DNAH10: variants seen among roughly 807,000 people sequenced by gnomAD.
DNAH10 encodes the protein axonemal beta dynein heavy chain 10.
In DNAH10, 348 loss-of-function variants were observed where a neutral mutation model predicts 506.6. That is an observed-to-expected ratio of 0.69 (90% CI 0.63 to 0.75). The LOEUF is 0.75. Ranked by LOEUF, DNAH10 falls within the 30% of genes least tolerant of loss-of-function variation. The pLI is 0.00. For missense variants in DNAH10, 5,179 were observed against 5,787.1 expected (o/e 0.89, Z 3.41); for synonymous variants, 2,059 against 2,198.6 (o/e 0.94, Z 1.78).
intron 25 of DNAH10, among the ~76,000 whole-genome samples, chr12:123,828,131 C>T (rs764375156): frequency 2.0e-5 from 3 of 151,528 alleles, no homozygotes; most frequent in Non-Finnish European, 4.4e-5. Context: ...CTTCCACCAC[C>T]ACTGTAAAGA....
intron 21 of DNAH10, among the ~76,000 whole-genome samples, chr12:123,816,602 T>C (rs530580774): frequency 6.6e-6 from 1 of 152,276 alleles, no homozygotes; most frequent in South Asian, 2.1e-4. Context: ...AAATCAGTGA[T>C]GGGAAGTAAA....
At chr12:123,828,342 A>G (rs1444288480) in intron 25 of DNAH10, among the ~76,000 whole-genome samples, 4 of 152,158 alleles carry the variant, frequency 2.6e-5, no homozygotes, top group Admixed American at 6.5e-5. Flanking sequence ...AAACAGGTTT[A>G]TTTTAGAGAA....
At chr12:123,841,006 G>T (rs1038174292) in intron 29 of DNAH10, among the ~76,000 whole-genome samples, 1 of 152,120 alleles carries the variant, frequency 6.6e-6, no homozygotes, top group East Asian at 1.9e-4. Flanking sequence ...TCACCCTTCC[G>T]CCTCCTCCAC....
chr12:123,894,821 C>T (rs1953147997), intron 54 of DNAH10, 98 bp downstream of exon 54: 1 of 1,088,612 alleles, frequency 9.2e-7, no homozygotes, highest in Admixed American at 2.1e-5. Context: ...GATTTCTTCA[C>T]TGGAAAACCC....
Position 123,928,781 on chromosome 12 carries a change from T to G in DNAH10, c.12306+194T>G, listed in dbSNP as rs1955059439. 1.6e-6 allele frequency: 1 copy of G among 641,580 alleles called. No individual in the cohort carries two copies. The highest frequency in any genetic ancestry group is 1.8e-5 in the African/African-American group (1 of 54,566). 39.7% of individuals were successfully genotyped at this position (641,580 alleles called of 1,614,324 possible). On this transcript the variant is annotated intron_variant, in intron 70 of 78. Coordinates refer to ENST00000673944, the MANE Select transcript of DNAH10 (RefSeq NM_001372106.1). The surrounding 1 kb of genome is among the most constrained non-coding windows in gnomAD (Gnocchi z 4.9). ...GCCGCTGTCCTGGGTTGGGTGTTTG[T>G]GACTCCCAGGCCTATCTCTACCAAT...
At position 123,820,695 on chromosome 12, in the gene DNAH10, G is replaced by A. The variant is rs774236454; in HGVS notation, c.4116G>A (p.Leu1372=). The change falls in exon 24 of 79, where the codon CTG becomes CTA. Residue 1372 remains leucine (L), a synonymous_variant. Coordinates refer to ENST00000673944, the MANE Select transcript of DNAH10 (RefSeq NM_001372106.1). The part of the protein sequence containing the change: ...FDLPITMYPE[L]LKVQKEMSGL... ...TTCCTATTACAATGTACCCAGAGCT[G>A]CTGAAAGTGCAGAAGGAAATGAGTG... The A allele has an allele frequency of 5.0e-6, 8 of 1,613,976 alleles. No individual in the cohort carries two copies. The South Asian group carries it at 8.8e-5, about 18-fold the overall frequency.
At chr12:123,776,549 TATTTTGC>T (rs1222206134) in intron 5 of DNAH10, among the ~76,000 whole-genome samples, 1 of 151,838 alleles carries the variant, frequency 6.6e-6, no homozygotes, top group African/African-American at 2.4e-5. Context: ...TCAAGTGTTG[TATTTTGC>T]ATTCTAGACG....
chr12:123,855,553 G>T (rs1951348901), intron 36 of DNAH10, among the ~76,000 whole-genome samples: 1 of 150,170 alleles, frequency 6.7e-6, no homozygotes, highest in Non-Finnish European at 1.5e-5. Context: ...AGGATTGCTT[G>T]AACCTGGGAG....
At chr12:123,860,552 G>A (rs1463598116) in intron 38 of DNAH10, among the ~76,000 whole-genome samples, 2 of 152,178 alleles carry the variant, frequency 1.3e-5, no homozygotes, top group Admixed American at 6.5e-5. Flanking sequence ...TGCCCTGTCT[G>A]CTTGATTCAT....
In DNAH10 at chr12:123,767,613, A is replaced by T; in HGVS notation, c.222A>T (p.Ile74=). Residue 74 remains isoleucine, a synonymous_variant, in exon 2 of 79, where the codon ATA becomes ATT. Transcript: ENST00000673944. ...PEEVEVEIDE[I]PVLSEEGEEE... ...ATTTATGTGGCCATAAAGATGAGAT[A>T]CCTGTCCTGTCTGAAGAGGGAGAAG... 6.2e-7 allele frequency: 1 copy of T among 1,612,258 alleles called. No individual in the cohort carries two copies. Among genetic ancestry groups the T allele is most frequent in the Non-Finnish European group, 8.5e-7 (1 of 1,179,062 alleles).
At position 123,867,893 on chromosome 12, in the gene DNAH10, T is replaced by C. The variant is rs1951875994; in HGVS notation, c.7303-10T>C. On this transcript the variant is annotated splice_polypyrimidine_tract_variant and intron_variant, in intron 42 of 78. Transcript: ENST00000673944. ...ATGTGGGCTGAACCAGATATTTTCC[T>C]GTGAACCAGGTAACCCAGTTAGCCA... 2 of 1,610,634 alleles carry C rather than the reference T, an allele frequency of 1.2e-6. No individual in the cohort carries two copies.
intron 9 of DNAH10, 118 bp downstream of exon 9, chr12:123,786,054 A>G: frequency 8.4e-7 from 1 of 1,183,638 alleles, no homozygotes; most frequent in Non-Finnish European, 1.2e-6. Flanking sequence ...AAAATGTACA[A>G]TTCACTGGCT....
chr12:123,808,106 C>T (rs1033254279), intron 18 of DNAH10, among the ~76,000 whole-genome samples: 1 of 150,258 alleles, frequency 6.7e-6, no homozygotes, highest in Non-Finnish European at 1.5e-5. Flanking sequence ...GTTCATGGCT[C>T]ACTGCAGCCT....
intron 56 of DNAH10, among the ~76,000 whole-genome samples, chr12:123,901,747 G>T (rs572948013): frequency 6.6e-6 from 1 of 152,108 alleles, no homozygotes. Flanking sequence ...TGCAACCTCT[G>T]CCTCCTGGGT....
In DNAH10 at chr12:123,800,459, T is replaced by G; in HGVS notation, c.2462+71T>G. ...GGGACCCCTTTACGCTCTTAAAAAT[T>G]ATTGAGGACCCCTCCAAAAGCTTTC... On this transcript the variant is annotated intron_variant, in intron 15 of 78. Coordinates refer to ENST00000673944, the MANE Select transcript of DNAH10 (RefSeq NM_001372106.1). The G allele has an allele frequency of 3.7e-6, 5 of 1,362,948 alleles. No individual in the cohort carries two copies. In the South Asian group the frequency reaches 6.8e-5, roughly 18 times the overall value. The allele number at this position is 1,362,948 out of a possible 1,614,324, so 84.4% of individuals were successfully genotyped here.
In DNAH10 at chr12:123,803,682, G is replaced by C; in HGVS notation, c.2636G>C (p.Gly879Ala). 2 of 1,603,738 alleles carry C rather than the reference G, an allele frequency of 1.2e-6. No individual in the cohort carries two copies. The highest frequency in any genetic ancestry group is 1.1e-5 in the South Asian group (1 of 89,202). The change falls in exon 17 of 79, where the codon GGT becomes GCT. Residue 879 changes from glycine to alanine, a missense_variant. Gly to Ala is a moderately conservative substitution (Grantham distance 60, BLOSUM62 0). Transcript: ENST00000673944. ...AAAGGTATCGGTGACTATATAACTG[G>C]TTGCAAACAGGCCATTGGGAAATTT... ...NSLGIGDYIT[G>A]CKQAIGKFES...
chr12:123,786,010 A>G, intron 9 of DNAH10, 74 bp downstream of exon 9: 2 of 1,428,348 alleles, frequency 1.4e-6, no homozygotes, highest in Non-Finnish European at 9.5e-7. Flanking sequence ...AAACAGCTCT[A>G]TTGAGCTATA....
Position 123,866,033 on chromosome 12 carries a change from G to T in DNAH10, c.7127G>T (p.Arg2376Leu). Residue 2376 changes from arginine (R) to leucine (L), a missense_variant, in exon 41 of 79, where the codon CGA becomes CTA. By Grantham distance (102) the Arg-to-Leu change is moderately radical. Coordinates refer to ENST00000673944, the MANE Select transcript of DNAH10 (RefSeq NM_001372106.1). ...VYVDPKNLKYRPYWKKWVNQI... is the reference protein window; with the variant it reads ...VYVDPKNLKYLPYWKKWVNQI... ...GTGGATCCTAAAAACTTGAAATATC[G>T]ACCATACTGGAAAAAATGGGTTAAT... 1 of 1,610,826 alleles carries T rather than the reference G, an allele frequency of 6.2e-7. No individual in the cohort carries two copies. The highest frequency in any genetic ancestry group is 1.1e-5 in the South Asian group (1 of 90,284).
intron 33 of DNAH10, among the ~76,000 whole-genome samples, chr12:123,848,390 A>G (rs1175527132): frequency 6.6e-6 from 1 of 152,230 alleles, no homozygotes; most frequent in African/African-American, 2.4e-5. Context: ...CTGGAGAGCA[A>G]AAGTCCATCT....
Sources: allele counts gnomAD v4.1 joint callset (sites outside exome capture counted in the v4.1 genomes callset), GRCh38; gene constraint gnomAD v4.1.1; non-coding constraint Gnocchi (gnomAD v3.1); transcripts MANE v1.5; gene names NCBI Gene and HGNC (gene_info 2026-07-23, HGNC 2026-07-21).